The following COL22A1 variants were observed in gnomAD, a reference collection of about 807,000 sequenced individuals.
COL22A1 encodes the protein collagen type XXII alpha 1 chain.
In COL22A1, 221 loss-of-function variants were observed where a neutral mutation model predicts 248.9. That is an observed-to-expected ratio of 0.89 (90% confidence interval 0.80 to 0.99). The LOEUF (loss-of-function observed/expected upper bound fraction) is 0.99, where lower values mean the gene tolerates loss of function less well. COL22A1 is among the 50% of genes least tolerant of loss of function. COL22A1 has a pLI of 0.00. For missense variants in COL22A1, 2,240 were observed against 2,179.0 expected, an observed-to-expected ratio of 1.03 and a Z score of -0.56; for synonymous variants, 891 against 793.4, an observed-to-expected ratio of 1.12 and a Z score of -2.07.
At chr8:138,693,367 C>A (rs1827238572) in intron 35 of COL22A1, among the ~76,000 whole-genome samples, 1 of 152,168 alleles carries the variant, frequency 6.6e-6, no homozygotes. Flanking sequence ...AACAACCTCA[C>A]CTGCGAGGGG....
chr8:138,597,181 A>G (rs934346642), intron 61 of COL22A1, among the ~76,000 whole-genome samples: 3 of 151,722 alleles, frequency 2.0e-5, no homozygotes, highest in African/African-American at 4.8e-5. Context: ...AGCAACCCGG[A>G]CTCTGGGCTC....
rs191023334 is a variant in COL22A1 at position 138,597,057 on chromosome 8, C to T, written c.4366-87G>A. Reference sequence around the variant, plus strand: ...TGAGGACTTGGGAAACCAGGAAGTTCGTAGGTGGTATATACCCACACAGGG... The same window carrying T: ...TGAGGACTTGGGAAACCAGGAAGTTTGTAGGTGGTATATACCCACACAGGG... On this transcript the variant is annotated intron_variant, in intron 61 of 64. Coordinates refer to ENST00000303045, the MANE Select transcript of COL22A1 (RefSeq NM_152888.3). The T allele has an allele frequency of 6.4e-4, 695 of 1,091,150 alleles. 4 individuals carry two copies. The African/African-American group carries it at 9.3e-3, about 15-fold the overall frequency. 67.6% of individuals were successfully genotyped at this position (1,091,150 alleles called of 1,614,324 possible).
At chr8:138,835,190 T>C (rs560171136) in intron 4 of COL22A1, among the ~76,000 whole-genome samples, 2 of 152,320 alleles carry the variant, frequency 1.3e-5, no homozygotes, top group African/African-American at 4.8e-5. Context: ...CATCCTGAGG[T>C]TGTCAAGTTC....
chr8:138,784,056 T>C (rs1815283659), intron 12 of COL22A1, among the ~76,000 whole-genome samples: 1 of 152,224 alleles, frequency 6.6e-6, no homozygotes, highest in African/African-American at 2.4e-5. Flanking sequence ...AAACTTGTGA[T>C]GGAGACCAGG....
intron 3 of COL22A1, among the ~76,000 whole-genome samples, chr8:138,871,285 C>A (rs1823323401): frequency 6.6e-6 from 1 of 152,174 alleles, no homozygotes; most frequent in Admixed American, 6.5e-5. Flanking sequence ...CCCCCGGATG[C>A]CCCTCCGAGC....
At chr8:138,736,917 G>A (rs1361155933) in intron 23 of COL22A1, among the ~76,000 whole-genome samples, 1 of 152,138 alleles carries the variant, frequency 6.6e-6, no homozygotes, top group Non-Finnish European at 1.5e-5. Context: ...GACAGACTGA[G>A]ACCCAAACCC....
chr8:138,779,017 C>G (rs910182584), intron 14 of COL22A1, among the ~76,000 whole-genome samples: 2 of 152,200 alleles, frequency 1.3e-5, no homozygotes, highest in African/African-American at 4.8e-5. Flanking sequence ...ATCTATCCTA[C>G]TGCAATAAAA....
intron 50 of COL22A1, among the ~76,000 whole-genome samples, chr8:138,630,363 C>T (rs891878292): frequency 6.6e-6 from 1 of 152,226 alleles, no homozygotes; most frequent in Non-Finnish European, 1.5e-5. Context: ...CACTTCCCTG[C>T]ACCTGCTCAA....
Position 138,883,148 on chromosome 8 carries a change from C to A in COL22A1, c.25G>T (p.Val9Leu), listed in dbSNP as rs1824373600. The A allele has an allele frequency of 6.3e-7, 1 of 1,597,962 alleles. No individual in the cohort carries two copies. The highest frequency in any genetic ancestry group is 8.5e-7 in the Non-Finnish European group (1 of 1,172,712). The change falls in exon 2 of 65, where the codon GTG becomes TTG. Residue 9 changes from valine to leucine, a missense_variant. Val to Leu is a conservative substitution (Grantham distance 32). Transcript: ENST00000303045. ...AGCAGCATCCAGAGGAGGCCAGCCA[C>A]AGCGTTCCCTCGGAGGCCGGCCATG... is the stretch of plus-strand genomic sequence containing the variant. MAGLRGNA[V>L]AGLLWMLLLW...
chr8:138,729,557 G>A (rs1418119786), intron 23 of COL22A1, among the ~76,000 whole-genome samples: 2 of 152,192 alleles, frequency 1.3e-5, no homozygotes, highest in East Asian at 3.8e-4. Context: ...AGAGAAGCTG[G>A]AAGCAGCTGG....
chr8:138,604,663 G>T, intron 59 of COL22A1, 71 bp downstream of exon 59: 1 of 1,347,042 alleles, frequency 7.4e-7, no homozygotes, highest in Non-Finnish European at 1.1e-6. Flanking sequence ...TAAGCCCAGG[G>T]CCTGAGCCTG....
rs539589392 is a variant in COL22A1, at chr8:138,775,435, C to T, written c.1803+531G>A. Among the ~76,000 whole-genome samples the T allele has an allele frequency of 2.6e-5, 4 of 152,332 alleles. No homozygotes were observed. In the East Asian group the frequency reaches 7.7e-4, roughly 29 times the overall value. On this transcript the variant is annotated intron_variant, in intron 16 of 64. Coordinates refer to ENST00000303045, the MANE Select transcript of COL22A1 (RefSeq NM_152888.3). Reference sequence around the variant, plus strand: ...GAGCCTCCACCTAGGCCTCCTCAGACATGTTGGTTGCATGGCAATCTACAT... The same window carrying T: ...GAGCCTCCACCTAGGCCTCCTCAGATATGTTGGTTGCATGGCAATCTACAT...
intron 52 of COL22A1, among the ~76,000 whole-genome samples, chr8:138,620,859 A>G (rs967686011): frequency 1.3e-5 from 2 of 152,174 alleles, no homozygotes; most frequent in Non-Finnish European, 2.9e-5. Flanking sequence ...AATAAAAATT[A>G]AGCAACAGGC....
intron 22 of COL22A1, among the ~76,000 whole-genome samples, chr8:138,746,364 T>A (rs1329067165): frequency 2.6e-5 from 4 of 152,180 alleles, no homozygotes; most frequent in Non-Finnish European, 4.4e-5. Flanking sequence ...AAATGACAGG[T>A]CATGGCAAGG....
intron 3 of COL22A1, among the ~76,000 whole-genome samples, chr8:138,871,629 CT>C (rs1378770048): frequency 6.6e-6 from 1 of 152,152 alleles, no homozygotes; most frequent in East Asian, 1.9e-4. Flanking sequence ...TCACATACCC[CT>C]GTAACTCTCA....
intron 1 of COL22A1, among the ~76,000 whole-genome samples, chr8:138,888,283 G>A (rs1338130011): frequency 5.9e-5 from 9 of 152,152 alleles, no homozygotes; most frequent in Admixed American, 5.2e-4. Context: ...GGAAGCCCAG[G>A]GGGTTGTAGG....
intron 1 of COL22A1, among the ~76,000 whole-genome samples, chr8:138,904,380 A>AC (rs1220840726): frequency 6.6e-6 from 1 of 151,828 alleles, no homozygotes; most frequent in Non-Finnish European, 1.5e-5. Context: ...TGCTGGCCCA[A>AC]CCCCTGCGGC....
intron 21 of COL22A1, 119 bp from the exon 22 acceptor site, chr8:138,751,630 T>A: frequency 1.7e-6 from 1 of 588,662 alleles, no homozygotes. Flanking sequence ...CATCCCATTC[T>A]GATGGGGAAA....
intron 55 of COL22A1, 26 bp from the exon 56 acceptor site, chr8:138,613,946 T>C: frequency 2.5e-6 from 4 of 1,573,704 alleles, no homozygotes; most frequent in Non-Finnish European, 3.5e-6. Context: ...AGAGATGGTG[T>C]CATCATCAAG....
Sources: allele counts gnomAD v4.1 joint callset (sites outside exome capture counted in the v4.1 genomes callset), GRCh38; gene constraint gnomAD v4.1.1; transcripts MANE v1.5; gene names NCBI Gene and HGNC (gene_info 2026-07-23, HGNC 2026-07-21).